The following RYR2 variants were observed in gnomAD, a reference collection of about 807,000 sequenced individuals.
RYR2 encodes the protein cardiac muscle ryanodine receptor-calcium release channel.
A neutral mutation model predicts 601.1 loss-of-function variants in RYR2; 227 were observed. The observed-to-expected ratio is 0.38, with a 90% confidence interval of 0.34 to 0.42. RYR2 has a LOEUF of 0.42. RYR2 is among the 10% of genes least tolerant of loss of function. RYR2 has a pLI of 1.00. For synonymous variants in RYR2, 2,223 were observed against 2,175.1 expected, an observed-to-expected ratio of 1.02 and a Z score of -0.61; for missense variants, 4,646 against 6,156.5, an observed-to-expected ratio of 0.75 and a Z score of 8.21.
At chr1:237,287,802 G>A (rs989119453) in intron 2 of RYR2, among the ~76,000 whole-genome samples, 14 of 152,076 alleles carry the variant, frequency 9.2e-5, no homozygotes, top group African/African-American at 9.6e-5. Flanking sequence ...TCCTGAATTC[G>A]TTGTCAGGTA....
At chr1:237,806,458 A>C (rs2149438470) in intron 99 of RYR2, among the ~76,000 whole-genome samples, 175 bp downstream of exon 99, 1 of 152,350 alleles carries the variant, frequency 6.6e-6, no homozygotes, top group African/African-American at 2.4e-5. Flanking sequence ...TCCTAGGCCT[A>C]TACTCAAGCC....
chr1:237,456,583 T>TC lies in RYR2; in HGVS notation c.1477-17_1477-16insC, dbSNP rs746069322. 3.0e-5 allele frequency: 45 copies of TC among 1,494,684 alleles called. 1 individual carries two copies. The African/African-American group carries it at 6.2e-4, about 21-fold the overall frequency. The allele number at this position is 1,494,684 out of a possible 1,614,324, so 92.6% of individuals were successfully genotyped here. A position where few individuals can be genotyped will look rare whatever the true frequency, so the allele number is the denominator to read the frequency against. On this transcript the variant is annotated splice_polypyrimidine_tract_variant and intron_variant, in intron 15 of 104. Transcript: ENST00000366574. ...TTGGATGTCTGATTGTGATTTTTTT[T>TC]TTTTTTAACGTTCCAGGGAATGATC...
intron 35 of RYR2, among the ~76,000 whole-genome samples, chr1:237,602,744 G>T (rs1371251224): frequency 6.6e-6 from 1 of 152,184 alleles, no homozygotes; most frequent in Non-Finnish European, 1.5e-5. Flanking sequence ...AGTTGAAAAG[G>T]TCTTGTGTGC....
intron 1 of RYR2, among the ~76,000 whole-genome samples, chr1:237,048,373 C>T (rs992500771): frequency 2.6e-5 from 4 of 152,150 alleles, no homozygotes; most frequent in African/African-American, 9.7e-5. Context: ...CGATGTGTTT[C>T]ATACTCCGTT....
chr1:237,109,478 T>C (rs1339517833), intron 1 of RYR2, among the ~76,000 whole-genome samples: 1 of 152,026 alleles, frequency 6.6e-6, no homozygotes, highest in African/African-American at 2.4e-5. Flanking sequence ...CTAAGAGCAA[T>C]ATCTGATTAT....
intron 1 of RYR2, among the ~76,000 whole-genome samples, chr1:237,134,964 T>C (rs751508241): frequency 8.2e-4 from 125 of 152,236 alleles, no homozygotes; most frequent in African/African-American, 2.3e-3. Flanking sequence ...CTGTGCCTCA[T>C]GGTGGGAGGA....
intron 95 of RYR2, among the ~76,000 whole-genome samples, chr1:237,794,613 T>C (rs1658870392): frequency 6.6e-6 from 1 of 152,218 alleles, no homozygotes; most frequent in Non-Finnish European, 1.5e-5. Flanking sequence ...AAAGAATTAG[T>C]GCAATAGTTG....
intron 22 of RYR2, among the ~76,000 whole-genome samples, 188 bp downstream of exon 22, chr1:237,503,693 A>T (rs139726000): frequency 2.0e-5 from 3 of 152,002 alleles, no homozygotes; most frequent in African/African-American, 4.8e-5. Flanking sequence ...CTCATTTTCT[A>T]TTCTATTCTA....
At chr1:237,723,955 A>C (rs1044013297) in intron 74 of RYR2, among the ~76,000 whole-genome samples, 2 of 152,008 alleles carry the variant, frequency 1.3e-5, no homozygotes, top group African/African-American at 4.8e-5. Context: ...CATCTGGCTT[A>C]GGTAAAATAT....
intron 2 of RYR2, among the ~76,000 whole-genome samples, chr1:237,311,089 G>T (rs1387231316): frequency 6.6e-6 from 1 of 152,120 alleles, no homozygotes; most frequent in Non-Finnish European, 1.5e-5. Flanking sequence ...TATCATTATT[G>T]ATTATATTAT....
intron 1 of RYR2, among the ~76,000 whole-genome samples, chr1:237,053,104 C>G (rs113204345): frequency 0.016 from 2,479 of 152,242 alleles, 75 homozygotes; most frequent in African/African-American, 0.057. Context: ...ACCTCAGCCT[C>G]CCAAAGTGCT....
intron 98 of RYR2, among the ~76,000 whole-genome samples, chr1:237,804,417 T>C (rs575221610): frequency 6.6e-6 from 1 of 151,998 alleles, no homozygotes; most frequent in East Asian, 1.9e-4. Context: ...CCCCCTCTTT[T>C]TATTCTCTGT....
chr1:237,591,155 C>G, intron 31 of RYR2, among the ~76,000 whole-genome samples, 163 bp downstream of exon 31: 1 of 7,718 alleles, frequency 1.3e-4, no homozygotes, highest in South Asian at 0.02. Flanking sequence ...TCCCCCTCCT[C>G]CTCTTCCCCC....
At chr1:237,723,448 T>G (rs1265669050) in intron 74 of RYR2, among the ~76,000 whole-genome samples, 186 bp downstream of exon 74, 1 of 152,218 alleles carries the variant, frequency 6.6e-6, no homozygotes, top group Non-Finnish European at 1.5e-5. Flanking sequence ...ACAAATCTTG[T>G]AGCAATATAT....
chr1:237,147,644 C>G lies in RYR2; in HGVS notation c.48+105075C>G, dbSNP rs114232489. On this transcript the variant is annotated intron_variant, in intron 1 of 104. Transcript: ENST00000366574. ...ATGTCTGCCAACCTCATGGTGAATA[C>G]ATCATGTAAAATCAGCTCCTGGATT... Among the ~76,000 whole-genome samples, 929 of 152,320 alleles carry G rather than the reference C, an allele frequency of 6.1e-3. 7 individuals carry two copies. Among genetic ancestry groups the G allele is most frequent in the South Asian group, 0.031 (150 of 4,832 alleles).
intron 33 of RYR2, 55 bp downstream of exon 33, chr1:237,593,691 C>CCTAG: frequency 6.5e-7 from 1 of 1,533,122 alleles, no homozygotes; most frequent in Non-Finnish European, 9.0e-7. Flanking sequence ...TATTGGTGAA[C>CCTAG]CTAGCTATTC....
At chr1:237,572,180 T>C (rs1672770221) in intron 29 of RYR2, among the ~76,000 whole-genome samples, 1 of 152,160 alleles carries the variant, frequency 6.6e-6, no homozygotes, top group Non-Finnish European at 1.5e-5. Context: ...AAAGTATTAG[T>C]GGGAAGGTAG....
intron 1 of RYR2, among the ~76,000 whole-genome samples, chr1:237,112,223 C>G (rs1353061221): frequency 6.6e-6 from 1 of 152,192 alleles, no homozygotes; most frequent in African/African-American, 2.4e-5. Context: ...AAGCGATTCT[C>G]CTGCCTCAGC....
intron 80 of RYR2, among the ~76,000 whole-genome samples, chr1:237,747,084 C>A (rs1692146249): frequency 6.6e-6 from 1 of 152,082 alleles, no homozygotes; most frequent in Non-Finnish European, 1.5e-5. Context: ...GAAAGCATTT[C>A]TTTAGAATAT....
Sources: allele counts gnomAD v4.1 joint callset (sites outside exome capture counted in the v4.1 genomes callset), GRCh38; gene constraint gnomAD v4.1.1; transcripts MANE v1.5; gene names NCBI Gene and HGNC (gene_info 2026-07-23, HGNC 2026-07-21).